The following KCND2 variants were observed in gnomAD, a reference collection of about 807,000 sequenced individuals.
The protein encoded by KCND2 is A-type voltage-gated potassium channel KCND2.
In KCND2, 16 loss-of-function variants were observed where a neutral mutation model predicts 54.4. That is an observed-to-expected ratio of 0.29 (90% confidence interval 0.20 to 0.45). The LOEUF (loss-of-function observed/expected upper bound fraction) is 0.45. Ranked by LOEUF, KCND2 falls within the 20% of genes least tolerant of loss-of-function variation. The probability of loss-of-function intolerance (pLI) is 1.00; values close to 1 mark genes in which losing one functional copy is unlikely to be tolerated. For synonymous variants in KCND2, 317 were observed against 310.7 expected (o/e 1.02, Z -0.21); for missense variants, 486 against 824.2 (o/e 0.59, Z 5.02).
intron 1 of KCND2, among the ~76,000 whole-genome samples, chr7:120,503,598 G>A (rs534617653): frequency 6.6e-6 from 1 of 151,830 alleles, no homozygotes; most frequent in South Asian, 2.1e-4. Flanking sequence ...TCTGCATTGT[G>A]TCCTTTGCCT....
chr7:120,398,620 C>A (rs934804885), intron 1 of KCND2, among the ~76,000 whole-genome samples: 2 of 152,056 alleles, frequency 1.3e-5, no homozygotes, highest in African/African-American at 4.8e-5. Flanking sequence ...CAAAGATATA[C>A]AATGCAAACA....
rs900024851 is a variant in KCND2 at position 120,748,873 on chromosome 7, T to C, written c.*1015T>C. 1 of 151,976 alleles carries C rather than the reference T, an allele frequency of 6.6e-6. No individual in the cohort carries two copies. Among genetic ancestry groups the C allele is most frequent in the Non-Finnish European group, 1.5e-5 (1 of 67,886 alleles). The allele number at this position is 151,976 out of a possible 1,614,324, so 9.4% of individuals were successfully genotyped here. On this transcript the variant is annotated 3_prime_UTR_variant, in exon 6 of 6. Transcript: ENST00000331113. The stretch of plus-strand genomic sequence containing the variant: ...TATCATCATCAACAAGACTACTGTT[T>C]ACTGTAGTTCAAGTGACTTTCCTAC...
At chr7:120,386,439 AT>A (rs1001964935) in intron 1 of KCND2, among the ~76,000 whole-genome samples, 1 of 151,754 alleles carries the variant, frequency 6.6e-6, no homozygotes, top group African/African-American at 2.4e-5. Context: ...CTCAACAGAC[AT>A]TTTTTTTGTC....
In KCND2 at chr7:120,319,474, C is replaced by T. The variant is rs114964399; in HGVS notation, c.1115+43727C>T. Among the ~76,000 whole-genome samples, 1,239 of 152,096 alleles carry T rather than the reference C, an allele frequency of 8.1e-3. 13 individuals carry two copies. Among genetic ancestry groups the T allele is most frequent in the African/African-American group, 0.028 (1,162 of 41,502 alleles). On this transcript the variant is annotated intron_variant, in intron 1 of 5. Coordinates refer to ENST00000331113, the MANE Select transcript of KCND2 (RefSeq NM_012281.3). ...CTCTGGGAATTGAAATTTATTCATA[C>T]AGTAGATAATCTTTTAGACATATTG...
chr7:120,331,484 A>G (rs1008855910), intron 1 of KCND2, among the ~76,000 whole-genome samples: 2 of 152,010 alleles, frequency 1.3e-5, no homozygotes, highest in African/African-American at 4.8e-5. Flanking sequence ...CATTTTAATT[A>G]CAAAAAAAGG....
chr7:120,357,541 T>C (rs1434475165), intron 1 of KCND2, among the ~76,000 whole-genome samples: 1 of 152,270 alleles, frequency 6.6e-6, no homozygotes, highest in East Asian at 1.9e-4. Flanking sequence ...CCTAGCATTG[T>C]AAGAGATTTT....
chr7:120,590,273 T>C (rs1291924668), intron 1 of KCND2, among the ~76,000 whole-genome samples: 1 of 152,124 alleles, frequency 6.6e-6, no homozygotes, highest in Admixed American at 6.5e-5. Flanking sequence ...CTCACTCGGA[T>C]TCCCAAAGTG....
intron 1 of KCND2, among the ~76,000 whole-genome samples, chr7:120,628,656 C>G (rs533565707): frequency 7.7e-4 from 118 of 152,314 alleles, no homozygotes; most frequent in African/African-American, 2.6e-3. Context: ...TCAGAGCTAA[C>G]TATGTCCCTA....
At chr7:120,404,950 A>G (rs1215727026) in intron 1 of KCND2, among the ~76,000 whole-genome samples, 1 of 152,176 alleles carries the variant, frequency 6.6e-6, no homozygotes, top group Admixed American at 6.6e-5. Flanking sequence ...ACACAAGTAG[A>G]TTCAGTCACT....
intron 1 of KCND2, among the ~76,000 whole-genome samples, chr7:120,393,579 A>G (rs904087994): frequency 2.6e-5 from 4 of 151,958 alleles, no homozygotes; most frequent in Admixed American, 2.6e-4. Context: ...TTGGTAAACT[A>G]TGATTTATTT....
In KCND2 at chr7:120,356,313, A is replaced by G. The variant is rs554881845; in HGVS notation, c.1115+80566A>G. Among the ~76,000 whole-genome samples the G allele has an allele frequency of 2.2e-4, 34 of 152,294 alleles. No individual in the cohort carries two copies. In the South Asian group the frequency reaches 6.4e-3, roughly 29 times the overall value. On this transcript the variant is annotated intron_variant, in intron 1 of 5. Coordinates refer to ENST00000331113, the MANE Select transcript of KCND2 (RefSeq NM_012281.3). ...GTCATGAAATAATGTGTGCTCCCCTAGGTATGCCTTTAACATCATGTAAAC... is the reference window on the plus strand; with the variant it reads ...GTCATGAAATAATGTGTGCTCCCCTGGGTATGCCTTTAACATCATGTAAAC...
intron 1 of KCND2, among the ~76,000 whole-genome samples, chr7:120,657,508 C>T (rs934997265): frequency 3.3e-5 from 5 of 152,026 alleles, no homozygotes; most frequent in African/African-American, 7.2e-5. Flanking sequence ...GAACTATTTG[C>T]GTACATGCTA....
chr7:120,650,035 G>A (rs1791706397), intron 1 of KCND2, among the ~76,000 whole-genome samples: 1 of 151,824 alleles, frequency 6.6e-6, no homozygotes, highest in Admixed American at 6.6e-5. Flanking sequence ...CTTTCTCTCT[G>A]GCTGCCCTTA....
At chr7:120,347,715 C>T (rs1487648183) in intron 1 of KCND2, among the ~76,000 whole-genome samples, 1 of 151,492 alleles carries the variant, frequency 6.6e-6, no homozygotes, top group African/African-American at 2.4e-5. Context: ...AGAGATCACA[C>T]CATCACACTC....
At chr7:120,364,588 C>G (rs966978576) in intron 1 of KCND2, among the ~76,000 whole-genome samples, 3 of 152,068 alleles carry the variant, frequency 2.0e-5, no homozygotes, top group African/African-American at 4.8e-5. Context: ...TTGGACTCAG[C>G]TCCCAATACA....
intron 1 of KCND2, among the ~76,000 whole-genome samples, chr7:120,605,574 T>G (rs541084715): frequency 1.3e-5 from 2 of 152,210 alleles, no homozygotes; most frequent in Admixed American, 6.5e-5. Context: ...TTCTCTTCAG[T>G]ATATTATCTA....
intron 1 of KCND2, among the ~76,000 whole-genome samples, chr7:120,432,141 G>T (rs144161577): frequency 7.6e-4 from 115 of 152,036 alleles, no homozygotes; most frequent in Middle Eastern, 6.8e-3. Flanking sequence ...TTGAGTATTT[G>T]GTCCCCCATT....
intron 1 of KCND2, among the ~76,000 whole-genome samples, chr7:120,426,431 T>G (rs1801706740): frequency 6.6e-6 from 1 of 152,148 alleles, no homozygotes; most frequent in Admixed American, 6.5e-5. Flanking sequence ...TGATGGTCAA[T>G]TTAATTTGGA....
rs371310889 is a variant in KCND2 at position 120,693,379 on chromosome 7, G to A, written c.1116-39524G>A. Among the ~76,000 whole-genome samples the A allele has an allele frequency of 4.2e-4, 64 of 152,246 alleles. 3 individuals carry two copies. In the South Asian group the frequency reaches 0.013, roughly 30 times the overall value. On this transcript the variant is annotated intron_variant, in intron 1 of 5. Transcript: ENST00000331113. ...TGATTAATGTTTGTCTGTCTTATTA[G>A]GTGGTGAGCTGATGAGGACAGTGAT...
Sources: gnomAD v4.1 joint callset for allele counts (sites outside exome capture counted in the v4.1 genomes callset) on GRCh38, gnomAD v4.1.1 for gene constraint, MANE v1.5 for transcripts, NCBI Gene and HGNC (gene_info 2026-07-23, HGNC 2026-07-21) for gene names.